The following SLC44A5 variants were observed in gnomAD, a reference collection of about 807,000 sequenced individuals.
SLC44A5 encodes the protein choline transporter-like protein 5.
Under a neutral mutation model 101.8 loss-of-function variants are expected in SLC44A5, and 57 were observed. The ratio of observed to expected loss-of-function variants is 0.56; its 90% CI spans 0.45 to 0.70. The LOEUF (loss-of-function observed/expected upper bound fraction) is 0.70. Ranked by LOEUF, SLC44A5 falls within the 30% of genes least tolerant of loss-of-function variation. The pLI is 0.00. For missense variants in SLC44A5, 737 were observed against 853.1 expected, an observed-to-expected ratio of 0.86 and a Z score of 1.70; for synonymous variants, 281 against 290.9, an observed-to-expected ratio of 0.97 and a Z score of 0.35.
intron 3 of SLC44A5, among the ~76,000 whole-genome samples, chr1:75,361,638 G>A (rs949849315): frequency 1.4e-4 from 22 of 151,834 alleles, no homozygotes; most frequent in Admixed American, 5.3e-4. Context: ...GCTAATGTAG[G>A]GTATCACAAT....
intron 4 of SLC44A5, among the ~76,000 whole-genome samples, chr1:75,321,530 T>C (rs1300270353): frequency 6.6e-6 from 1 of 151,940 alleles, no homozygotes; most frequent in Non-Finnish European, 1.5e-5. Context: ...ATTCCTGAGG[T>C]CACCACCCTT....
At chr1:75,587,612 T>C (rs561891443) in intron 1 of SLC44A5, among the ~76,000 whole-genome samples, 1 of 152,372 alleles carries the variant, frequency 6.6e-6, no homozygotes, top group Non-Finnish European at 1.5e-5. Flanking sequence ...ATTTTTTTGA[T>C]TTTCTTTAAT....
At chr1:75,457,793 G>T (rs1313260899) in intron 2 of SLC44A5, among the ~76,000 whole-genome samples, 1 of 152,020 alleles carries the variant, frequency 6.6e-6, no homozygotes, top group Non-Finnish European at 1.5e-5. Flanking sequence ...CGAGGCGGAG[G>T]TTGCAGTGAA....
the SLC44A5 span, among the ~76,000 whole-genome samples, chr1:75,656,817 T>C: frequency 0.49 from 74,729 of 152,014 alleles, 19,618 homozygotes; most frequent in East Asian, 0.93. Context: ...GTAGTAAATC[T>C]TTACCTATCC....
chr1:75,649,930 T>C, the SLC44A5 span, among the ~76,000 whole-genome samples: 1 of 152,196 alleles, frequency 6.6e-6, no homozygotes, highest in Non-Finnish European at 1.5e-5. Context: ...TGAAAGTATT[T>C]AATAAGTCTT....
At chr1:75,490,318 G>T in intron 2 of SLC44A5, among the ~76,000 whole-genome samples, 1 of 152,124 alleles carries the variant, frequency 6.6e-6, no homozygotes, top group Admixed American at 6.6e-5. Context: ...TAATGGATTC[G>T]TTCATTTAAA....
At chr1:75,639,387 A>C in the SLC44A5 span, among the ~76,000 whole-genome samples, 1 of 152,138 alleles carries the variant, frequency 6.6e-6, no homozygotes, top group Non-Finnish European at 1.5e-5. Flanking sequence ...TGTTTTAATA[A>C]AGCCTTCTTT....
the SLC44A5 span, among the ~76,000 whole-genome samples, chr1:75,657,851 T>C: frequency 6.6e-6 from 1 of 152,140 alleles, no homozygotes; most frequent in African/African-American, 2.4e-5. Flanking sequence ...CCCTCTATTA[T>C]ACCACTCTGT....
chr1:75,331,886 T>C (rs565067000), intron 4 of SLC44A5, among the ~76,000 whole-genome samples: 1 of 152,310 alleles, frequency 6.6e-6, no homozygotes, highest in Admixed American at 6.5e-5. Context: ...ATTTCAATTG[T>C]CACCTCCATA....
chr1:75,368,215 GATCA>G (rs1198850778), intron 3 of SLC44A5, among the ~76,000 whole-genome samples: 2 of 152,144 alleles, frequency 1.3e-5, no homozygotes, highest in Non-Finnish European at 2.9e-5. Context: ...AAGATGATCT[GATCA>G]ATCAGTACAA....
chr1:75,525,093 C>G (rs1002671030), intron 2 of SLC44A5, among the ~76,000 whole-genome samples: 2 of 151,950 alleles, frequency 1.3e-5, no homozygotes, highest in African/African-American at 2.4e-5. Context: ...CTTTTTATAC[C>G]TCCCAATGAA....
intron 19 of SLC44A5, among the ~76,000 whole-genome samples, chr1:75,215,333 C>G (rs559658649): frequency 2.0e-4 from 31 of 152,152 alleles, no homozygotes; most frequent in Non-Finnish European, 4.0e-4. Context: ...TTGTCAATGT[C>G]CACACATTTC....
chr1:75,681,097 A>C, the SLC44A5 span, among the ~76,000 whole-genome samples: 15 of 151,832 alleles, frequency 9.9e-5, no homozygotes, highest in African/African-American at 3.4e-4. Flanking sequence ...CAATAACAGG[A>C]TCTGAAATTG....
intron 1 of SLC44A5, among the ~76,000 whole-genome samples, chr1:75,592,739 T>C (rs1456308650): frequency 1.3e-5 from 2 of 151,958 alleles, no homozygotes; most frequent in Non-Finnish European, 2.9e-5. Context: ...GAATATATAC[T>C]GGGGGAAAGA....
At chr1:75,506,112 T>C (rs1669239531) in intron 2 of SLC44A5, among the ~76,000 whole-genome samples, 2 of 152,314 alleles carry the variant, frequency 1.3e-5, no homozygotes, top group African/African-American at 4.8e-5. Flanking sequence ...TAGGAAGTCC[T>C]TTCCCCATTG....
chr1:75,349,909 A>G (rs1257904478), intron 3 of SLC44A5, among the ~76,000 whole-genome samples: 3 of 152,198 alleles, frequency 2.0e-5, no homozygotes, highest in Non-Finnish European at 4.4e-5. Context: ...CCAGACTAGT[A>G]GAGGAAGGAA....
chr1:75,611,086 C>G lies in SLC44A5; in HGVS notation c.-116G>C. The G allele has an allele frequency of 2.0e-6, 2 of 985,326 alleles. No homozygotes were observed. The highest frequency in any genetic ancestry group is 2.4e-6 in the Non-Finnish European group (2 of 829,908). 61.0% of individuals were successfully genotyped at this position (985,326 alleles called of 1,614,324 possible). ...AATAACTCCATCAACACTGAACCTT[C>G]TAACTCTAACATGCTACGATTCACT... On this transcript the variant is annotated 5_prime_UTR_variant, in exon 1 of 24. Coordinates refer to ENST00000370859, the MANE Select transcript of SLC44A5 (RefSeq NM_001130058.2).
At chr1:75,305,091 A>ACATGTG (rs1461457827) in intron 4 of SLC44A5, among the ~76,000 whole-genome samples, 1 of 152,248 alleles carries the variant, frequency 6.6e-6, no homozygotes, top group Non-Finnish European at 1.5e-5. Context: ...GATTCCAATT[A>ACATGTG]CATGTGCATG....
At chr1:75,446,960 A>T (rs928271323) in intron 2 of SLC44A5, among the ~76,000 whole-genome samples, 3 of 152,216 alleles carry the variant, frequency 2.0e-5, no homozygotes, top group Non-Finnish European at 4.4e-5. Context: ...CATCAGCATC[A>T]TTTCAAATAC....
Sources: gnomAD v4.1 joint callset for allele counts (sites outside exome capture counted in the v4.1 genomes callset) on GRCh38, gnomAD v4.1.1 for gene constraint, MANE v1.5 for transcripts, NCBI Gene and HGNC (gene_info 2026-07-23, HGNC 2026-07-21) for gene names.